SLC22A24: variants seen among roughly 807,000 people sequenced by gnomAD.
SLC22A24 encodes steroid transmembrane transporter SLC22A24.
A neutral mutation model predicts 49.8 loss-of-function variants in SLC22A24; 53 were observed. That is an observed-to-expected ratio of 1.06 (90% CI 0.85 to 1.34). The LOEUF is 1.34. Among genes scored for constraint, SLC22A24 ranks in the 40% most tolerant of loss-of-function variants. The probability of loss-of-function intolerance (pLI) is 0.00; values close to 1 mark genes in which losing one functional copy is unlikely to be tolerated. For missense variants in SLC22A24, 786 were observed against 675.9 expected, an observed-to-expected ratio of 1.16 and a Z score of -1.81; for synonymous variants, 302 against 256.4, an observed-to-expected ratio of 1.18 and a Z score of -1.70.
chr11:63,112,983 C>T, intron 4 of SLC22A24, among the ~76,000 whole-genome samples: 1 of 133,718 alleles, frequency 7.5e-6, no homozygotes. Flanking sequence ...CCACTGGACT[C>T]CAGCCTGTGT....
chr11:63,121,926 A>G (rs1038269350), intron 2 of SLC22A24, among the ~76,000 whole-genome samples: 5 of 152,178 alleles, frequency 3.3e-5, no homozygotes, highest in Admixed American at 3.3e-4. Flanking sequence ...AAATAAAAAC[A>G]TTAATAATAA....
chr11:63,110,401 T>TGATGG (rs1317743500), intron 4 of SLC22A24, among the ~76,000 whole-genome samples: 5 of 152,106 alleles, frequency 3.3e-5, no homozygotes, highest in Admixed American at 3.3e-4. Context: ...ATTGGTAGCT[T>TGATGG]GATGGGGATG....
At chr11:63,119,822 A>T (rs1171469799) in intron 2 of SLC22A24, among the ~76,000 whole-genome samples, 2 of 152,160 alleles carry the variant, frequency 1.3e-5, no homozygotes, top group Non-Finnish European at 2.9e-5. Context: ...ACAATCACTC[A>T]GCTATGTCTA....
intron 4 of SLC22A24, among the ~76,000 whole-genome samples, chr11:63,108,790 AT>A (rs199869469): frequency 0.043 from 5,782 of 133,226 alleles, 357 homozygotes; most frequent in African/African-American, 0.15. Context: ...CCCCTTTATC[AT>A]TTTTTTTTGC....
intron 6 of SLC22A24, among the ~76,000 whole-genome samples, chr11:63,088,847 T>G (rs1229188492): frequency 6.6e-6 from 1 of 151,782 alleles, no homozygotes; most frequent in East Asian, 1.9e-4. Flanking sequence ...ATCAAGTTCC[T>G]GAAATAACGT....
chr11:63,104,199 A>ATTCT lies in SLC22A24; in HGVS notation c.926_929dup (p.Asn310LysfsTer4). Reference sequence around the variant, plus strand: ...CCTCAGTGGTCAGTGTCTCTTCAGTATTCTTTTTTCCATTTATGTGTGCAA... The same window carrying ATTCT: ...CCTCAGTGGTCAGTGTCTCTTCAGTATTCTTTCTTTTTTCCATTTATGTGTGCAA... On this transcript the variant is annotated frameshift_variant, in exon 5 of 10. Coordinates refer to ENST00000612278, the MANE Select transcript of SLC22A24 (RefSeq NM_001136506.2). LOFTEE classifies it high-confidence loss of function. The ATTCT allele has an allele frequency of 6.5e-7, 1 of 1,550,286 alleles. No individual in the cohort carries two copies. The highest frequency in any genetic ancestry group is 8.7e-7 in the Non-Finnish European group (1 of 1,146,840).
At chr11:63,127,396 G>A (rs1455589472) in intron 2 of SLC22A24, among the ~76,000 whole-genome samples, 1 of 152,152 alleles carries the variant, frequency 6.6e-6, no homozygotes, top group Non-Finnish European at 1.5e-5. Context: ...CATTTGGGTT[G>A]GTTCCAAGTC....
In SLC22A24 at chr11:63,143,637, C is replaced by T. The variant is rs375630330; in HGVS notation, c.143G>A (p.Arg48His). 282 of 1,594,594 alleles carry T rather than the reference C, an allele frequency of 1.8e-4. No individual in the cohort carries two copies. In the African/African-American group the frequency reaches 3.4e-3, roughly 19 times the overall value. ...ENFTAFTPSH[R>H]CWVPLLDNDT... ...ATTGTCCAGGAGGGGGACCCAGCAG[C>T]GATGACTAGGGGTGAATGCAGTGAA... is the stretch of plus-strand genomic sequence containing the variant. Residue 48 changes from arginine to histidine, a missense_variant, in exon 1 of 10, where the codon CGC (arginine) becomes CAC (histidine). Physicochemically the swap from Arg to His is conservative, Grantham distance 29 (BLOSUM62 0). Transcript: ENST00000612278.
In SLC22A24 at chr11:63,081,647, C is replaced by G; in HGVS notation, c.1305G>C (p.Val435=). 1 of 1,551,162 alleles carries G rather than the reference C, an allele frequency of 6.4e-7. No individual in the cohort carries two copies. Among genetic ancestry groups the G allele is most frequent in the South Asian group, 1.2e-5 (1 of 84,044 alleles). ...TACCAATTCCCAAAGTTGCTAAAAC[C>G]ACACGCAGGATCTGCATTTCTAGAG... ...FLPQEMQILR[V]VLATLGIGSV... The change falls in exon 8 of 10, where the codon GTG becomes GTC. Residue 435 remains valine, a synonymous_variant. Transcript: ENST00000612278.
intron 4 of SLC22A24, 136 bp downstream of exon 4, chr11:63,118,776 G>T: frequency 1.1e-6 from 1 of 883,136 alleles, no homozygotes; most frequent in Non-Finnish European, 1.8e-6. Flanking sequence ...TTGCTTCTCA[G>T]GTGACACAAT....
chr11:63,136,767 G>A (rs1053628210), intron 1 of SLC22A24, among the ~76,000 whole-genome samples: 1 of 152,140 alleles, frequency 6.6e-6, no homozygotes, highest in Non-Finnish European at 1.5e-5. Flanking sequence ...TGGTTCAGTG[G>A]CCCCCTCTTC....
chr11:63,089,920 A>C (rs2087008462), intron 6 of SLC22A24, among the ~76,000 whole-genome samples: 1 of 151,832 alleles, frequency 6.6e-6, no homozygotes, highest in Non-Finnish European at 1.5e-5. Flanking sequence ...TCTCTACTAA[A>C]AATACAAAAA....
rs563756369 is a variant in SLC22A24, at chr11:63,129,568, A to T, written c.506+5097T>A. Among the ~76,000 whole-genome samples the T allele has an allele frequency of 3.3e-5, 5 of 152,336 alleles. No homozygotes were observed. In the South Asian group the frequency reaches 1.0e-3, roughly 32 times the overall value. On this transcript the variant is annotated intron_variant, in intron 2 of 9. Transcript: ENST00000612278. ...ATTGAATCTATAAATTACCTTGGACAGTAGGACCATTTTCATGATATTGAT... is the reference window on the plus strand; with the variant it reads ...ATTGAATCTATAAATTACCTTGGACTGTAGGACCATTTTCATGATATTGAT...
intron 6 of SLC22A24, among the ~76,000 whole-genome samples, chr11:63,085,553 AG>A (rs1294617786): frequency 1.3e-5 from 2 of 152,234 alleles, no homozygotes; most frequent in African/African-American, 4.8e-5. Context: ...CAATTTGCAT[AG>A]TTCCATTTTT....
Position 63,083,447 on chromosome 11 carries a change from T to G in SLC22A24, c.1081A>C (p.Thr361Pro), listed in dbSNP as rs188088237. Residue 361 changes from threonine to proline, a missense_variant, in exon 7 of 10, where the codon ACT (threonine) becomes CCT (proline). Coordinates refer to ENST00000612278, the MANE Select transcript of SLC22A24 (RefSeq NM_001136506.2). Reference sequence around the variant, plus strand: ...AGTATCAGGCCATAAAAGGGTACAGTGATTGCGAATCTGAAGTGAATAAAA... The same window carrying G: ...AGTATCAGGCCATAAAAGGGTACAGGGATTGCGAATCTGAAGTGAATAAAA... Reference protein sequence around the residue: ...FGLCFVRFAITVPFYGLILNL... With the variant: ...FGLCFVRFAIPVPFYGLILNL... 3 of 1,550,966 alleles carry G rather than the reference T, an allele frequency of 1.9e-6. No homozygotes were observed. In the Admixed American group the frequency reaches 5.9e-5, roughly 30 times the overall value.
intron 6 of SLC22A24, among the ~76,000 whole-genome samples, chr11:63,090,884 A>G (rs1269013774): frequency 6.6e-6 from 1 of 152,064 alleles, no homozygotes; most frequent in South Asian, 2.1e-4. Flanking sequence ...GAGATGCAAG[A>G]GCAAACAAAT....
At chr11:63,093,626 A>T (rs573571677) in intron 6 of SLC22A24, among the ~76,000 whole-genome samples, 1 of 152,222 alleles carries the variant, frequency 6.6e-6, no homozygotes, top group East Asian at 1.9e-4. Context: ...TTTATTTACA[A>T]GTGGGAGTTA....
intron 2 of SLC22A24, among the ~76,000 whole-genome samples, chr11:63,123,110 AGTT>A (rs2087263717): frequency 6.6e-6 from 1 of 152,152 alleles, no homozygotes. Flanking sequence ...AGAATGAAAA[AGTT>A]GTGTCAGTCT....
chr11:63,117,003 G>A (rs1469009027), intron 4 of SLC22A24, among the ~76,000 whole-genome samples: 2 of 151,898 alleles, frequency 1.3e-5, no homozygotes, highest in Non-Finnish European at 2.9e-5. Flanking sequence ...ATTTAGACAT[G>A]GTTTTCTTTA....
Sources: allele counts gnomAD v4.1 joint callset (sites outside exome capture counted in the v4.1 genomes callset), GRCh38; gene constraint gnomAD v4.1.1; transcripts MANE v1.5; gene names NCBI Gene and HGNC (gene_info 2026-07-23, HGNC 2026-07-21).